BRINP3: variants seen among roughly 807,000 people sequenced by gnomAD.
The protein encoded by BRINP3 is BMP/retinoic acid inducible neural specific 3.
BRINP3 carries 19 observed loss-of-function variants against 71.0 expected under a neutral mutation model. The observed-to-expected ratio is 0.27, with a 90% CI of 0.19 to 0.39. The LOEUF (loss-of-function observed/expected upper bound fraction) is 0.39. Among genes scored for constraint, BRINP3 ranks in the 10% least tolerant of loss-of-function variants. BRINP3 has a pLI of 1.00. For synonymous variants in BRINP3, 380 were observed against 337.7 expected (o/e 1.13, Z -1.37); for missense variants, 959 against 940.8 (o/e 1.02, Z -0.25).
At chr1:190,375,882 T>C (rs1482774802) in intron 2 of BRINP3, among the ~76,000 whole-genome samples, 1 of 152,030 alleles carries the variant, frequency 6.6e-6, no homozygotes, top group Non-Finnish European at 1.5e-5. Flanking sequence ...TTCCATTTTC[T>C]ATAAGGATAA....
At chr1:190,401,057 A>G (rs1558252744) in intron 2 of BRINP3, among the ~76,000 whole-genome samples, 1 of 152,118 alleles carries the variant, frequency 6.6e-6, no homozygotes, top group South Asian at 2.1e-4. Context: ...GAGGACAAAT[A>G]CCATATATGC....
intron 2 of BRINP3, among the ~76,000 whole-genome samples, chr1:190,345,137 C>A (rs1667928271): frequency 1.3e-5 from 2 of 151,694 alleles, no homozygotes; most frequent in Admixed American, 6.6e-5. Context: ...ATCAGATCTA[C>A]TGTAAAAGTT....
At position 190,202,406 on chromosome 1, in the gene BRINP3, T is replaced by G. The variant is rs1223629090; in HGVS notation, c.961+23676A>C. 2.0e-5 allele frequency among the ~76,000 whole-genome samples: 3 copies of G among 152,184 alleles called. No individual in the cohort carries two copies. The East Asian group carries it at 5.8e-4, about 29-fold the overall frequency. ...GGATCATAGGCAGAAGGGTCTTGCC[T>G]TGTCTTGAATGAGACTTCGTATTGT... is the stretch of plus-strand genomic sequence containing the variant. On this transcript the variant is annotated intron_variant, in intron 6 of 7. Transcript: ENST00000367462.
intron 2 of BRINP3, among the ~76,000 whole-genome samples, chr1:190,375,531 G>A (rs1365757678): frequency 6.6e-6 from 1 of 151,818 alleles, no homozygotes; most frequent in Non-Finnish European, 1.5e-5. Flanking sequence ...CAGATAAAAA[G>A]CCTAGCATAT....
intron 2 of BRINP3, among the ~76,000 whole-genome samples, chr1:190,378,753 T>C (rs118008861): frequency 1.3e-5 from 2 of 152,132 alleles, no homozygotes; most frequent in African/African-American, 2.4e-5. Flanking sequence ...ACCAGAATAA[T>C]GGTCCCCTCC....
intron 4 of BRINP3, among the ~76,000 whole-genome samples, chr1:190,237,949 G>C (rs1232543909): frequency 2.6e-5 from 4 of 151,966 alleles, no homozygotes; most frequent in Non-Finnish European, 5.9e-5. Context: ...CAAAATGAAT[G>C]TTAATATTTA....
intron 1 of BRINP3, chr1:190,474,482 T>C (rs1677366318): frequency 6.5e-6 from 1 of 152,674 alleles, no homozygotes; most frequent in African/African-American, 2.4e-5. Flanking sequence ...ATCATCTGTC[T>C]TCCAAGCTGC....
At chr1:190,335,815 T>A (rs1280214902) in intron 2 of BRINP3, among the ~76,000 whole-genome samples, 1 of 152,012 alleles carries the variant, frequency 6.6e-6, no homozygotes, top group Non-Finnish European at 1.5e-5. Flanking sequence ...ATCTCTAACA[T>A]GTACATTGCC....
chr1:190,234,574 A>G (rs2102740342), intron 4 of BRINP3, 97 bp from the exon 5 acceptor site: 2 of 835,170 alleles, frequency 2.4e-6, no homozygotes, highest in East Asian at 5.2e-5. Flanking sequence ...TACGTTTGAC[A>G]GTAAATATCA....
chr1:190,242,623 A>G (rs1659215874), intron 4 of BRINP3, among the ~76,000 whole-genome samples: 1 of 152,112 alleles, frequency 6.6e-6, no homozygotes, highest in Non-Finnish European at 1.5e-5. Context: ...TTTTAAAAAT[A>G]TTAGAAGTTT....
chr1:190,404,263 C>T (rs903762310), intron 2 of BRINP3, among the ~76,000 whole-genome samples: 10 of 151,920 alleles, frequency 6.6e-5, no homozygotes, highest in African/African-American at 2.4e-4. Flanking sequence ...CAAAATCTGA[C>T]ATATTTGAAT....
At chr1:190,309,835 CT>C (rs1665390974) in intron 2 of BRINP3, among the ~76,000 whole-genome samples, 1 of 151,698 alleles carries the variant, frequency 6.6e-6, no homozygotes, top group Non-Finnish European at 1.5e-5. Context: ...GAAAATATTA[CT>C]TGGTTAATTC....
chr1:190,459,089 G>A (rs1676206352), intron 1 of BRINP3, among the ~76,000 whole-genome samples: 1 of 141,818 alleles, frequency 7.1e-6, no homozygotes. Flanking sequence ...ATATCTATTT[G>A]AAAAGCAGAT....
At chr1:190,283,056 T>C (rs1342334787) in intron 2 of BRINP3, among the ~76,000 whole-genome samples, 1 of 152,026 alleles carries the variant, frequency 6.6e-6, no homozygotes. Context: ...TTTCTAACTA[T>C]GGATATTTAG....
intron 2 of BRINP3, among the ~76,000 whole-genome samples, chr1:190,301,292 A>G (rs1664723391): frequency 6.9e-6 from 1 of 145,086 alleles, no homozygotes; most frequent in South Asian, 2.2e-4. Flanking sequence ...ATATTTTACC[A>G]GTTCCCATAG....
intron 2 of BRINP3, among the ~76,000 whole-genome samples, chr1:190,353,281 C>A (rs1235338067): frequency 6.6e-6 from 1 of 151,956 alleles, no homozygotes; most frequent in Non-Finnish European, 1.5e-5. Context: ...AGGTTACCAT[C>A]TTTTAGTATT....
chr1:190,229,830 C>A (rs146424850), intron 5 of BRINP3, among the ~76,000 whole-genome samples: 5 of 151,962 alleles, frequency 3.3e-5, no homozygotes, highest in Non-Finnish European at 5.9e-5. Context: ...TATAAATTTT[C>A]ACTCAAAACA....
intron 4 of BRINP3, among the ~76,000 whole-genome samples, chr1:190,264,408 G>A (rs1661470268): frequency 6.6e-6 from 1 of 152,018 alleles, no homozygotes; most frequent in African/African-American, 2.4e-5. Context: ...AAAACATTGA[G>A]GGGTCATTTT....
At chr1:190,229,604 C>G (rs1263408252) in intron 5 of BRINP3, among the ~76,000 whole-genome samples, 2 of 147,628 alleles carry the variant, frequency 1.4e-5, no homozygotes, top group Non-Finnish European at 3.0e-5. Context: ...GATTTAGTTA[C>G]TAGATGAGCT....
Sources: gnomAD v4.1 joint callset for allele counts (sites outside exome capture counted in the v4.1 genomes callset) on GRCh38, gnomAD v4.1.1 for gene constraint, MANE v1.5 for transcripts, NCBI Gene and HGNC (gene_info 2026-07-23, HGNC 2026-07-21) for gene names.